The following EDARADD variants were observed in gnomAD, a reference collection of about 807,000 sequenced individuals.
EDARADD encodes ectodysplasin-A receptor-associated adapter protein.
EDARADD carries 20 observed loss-of-function variants against 25.6 expected under a neutral mutation model. The observed-to-expected ratio is 0.78, with a 90% CI of 0.55 to 1.14. EDARADD has a LOEUF of 1.14. EDARADD is among the 50% of genes most tolerant of loss of function. EDARADD has a pLI of 0.00. For synonymous variants in EDARADD, 86 were observed against 94.4 expected, an observed-to-expected ratio of 0.91 and a Z score of 0.52; for missense variants, 225 against 270.1, an observed-to-expected ratio of 0.83 and a Z score of 1.17.
intron 4 of EDARADD, among the ~76,000 whole-genome samples, chr1:236,439,131 C>T (rs921507623): frequency 2.0e-5 from 3 of 152,140 alleles, no homozygotes; most frequent in Non-Finnish European, 2.9e-5. Context: ...GGCTTCTTTC[C>T]CTTAGTAATA....
rs545002865 is a variant in EDARADD, at chr1:236,431,497, A to G, written c.219+4047A>G. On this transcript the variant is annotated intron_variant, in intron 4 of 5. Transcript: ENST00000334232. ...TTACTTTTAGTTATTTAAAATCAATACCCCATCTACTAGAACTATTCAACT... is the reference window on the plus strand; with the variant it reads ...TTACTTTTAGTTATTTAAAATCAATGCCCCATCTACTAGAACTATTCAACT... Among the ~76,000 whole-genome samples, 8 of 152,312 alleles carry G rather than the reference A, an allele frequency of 5.3e-5. No homozygotes were observed. In the East Asian group the frequency reaches 1.4e-3, roughly 26 times the overall value.
intron 4 of EDARADD, among the ~76,000 whole-genome samples, chr1:236,430,433 A>C (rs1414588364): frequency 6.6e-6 from 1 of 152,242 alleles, no homozygotes; most frequent in African/African-American, 2.4e-5. Flanking sequence ...TTCCAAAACC[A>C]CTTAAGATGA....
At chr1:236,427,543 A>G in intron 4 of EDARADD, 93 bp downstream of exon 4, 3 of 1,233,606 alleles carry the variant, frequency 2.4e-6, no homozygotes, top group Non-Finnish European at 3.5e-6. Flanking sequence ...ATAAAAAATG[A>G]AAAACAGGAT....
chr1:236,425,652 C>T (rs1431530522), intron 3 of EDARADD, among the ~76,000 whole-genome samples: 1 of 152,204 alleles, frequency 6.6e-6, no homozygotes, highest in African/African-American at 2.4e-5. Flanking sequence ...GGATGTGCTA[C>T]CACCGTCTTT....
chr1:236,409,415 C>G, intron 2 of EDARADD, 141 bp downstream of exon 2: 1 of 650,710 alleles, frequency 1.5e-6, no homozygotes. Flanking sequence ...ACTGCTTTAT[C>G]TTGGTATTCT....
At chr1:236,361,439 C>T (rs1459544681) in intron 3 of EDARADD, among the ~76,000 whole-genome samples, 1 of 151,478 alleles carries the variant, frequency 6.6e-6, no homozygotes, top group Non-Finnish European at 1.5e-5. Flanking sequence ...CTCAGCCTCT[C>T]CTTCCTCAGC....
At position 236,395,554 on chromosome 1, in the gene EDARADD, G is replaced by A. The variant is rs1012338119; in HGVS notation, c.61+1049G>A. ...CGGAACCGCAGGACTTTTCATCCCC[G>A]TGGTCCCACGGTCCTCCCGCGCCCC... is the stretch of plus-strand genomic sequence containing the variant. On this transcript the variant is annotated intron_variant, in intron 1 of 5. Transcript: ENST00000334232. This position sits in a 1 kb window ranked among gnomAD's most constrained non-coding sequence, Gnocchi z 6.9. The A allele has an allele frequency of 2.6e-6, 4 of 1,540,790 alleles. No individual in the cohort carries two copies. In the African/African-American group the frequency reaches 4.1e-5, roughly 16 times the overall value.
upstream of EDARADD, among the ~76,000 whole-genome samples, chr1:236,391,780 AAC>A (rs564929890): frequency 3.9e-5 from 6 of 152,198 alleles, no homozygotes; most frequent in Non-Finnish European, 7.3e-5. Context: ...CCCCATTTAA[AAC>A]AGCACATTTC....
chr1:236,354,027 G>C (rs897801508), intron 3 of EDARADD, among the ~76,000 whole-genome samples: 2 of 151,928 alleles, frequency 1.3e-5, no homozygotes, highest in African/African-American at 4.8e-5. Flanking sequence ...TCTGCTCTTC[G>C]GGTTGCGAGG....
At position 236,483,343 on chromosome 1, in the gene EDARADD, AG is replaced by A. The variant is rs1659735182; in HGVS notation, c.*697del. 6.3e-6 allele frequency: 10 copies of A among 1,584,318 alleles called. No individual in the cohort carries two copies. The South Asian group carries it at 9.9e-5, about 16-fold the overall frequency. On this transcript the variant is annotated 3_prime_UTR_variant, in exon 6 of 6. Coordinates refer to ENST00000334232, the MANE Select transcript of EDARADD (RefSeq NM_145861.4). ...AATGATAAGACTCGCTATATGGGGA[AG>A]GGTGTCTCAAAGCCTGTTGAGCCCA... is the stretch of plus-strand genomic sequence containing the variant.
Position 236,445,182 on chromosome 1 carries a change from A to G in EDARADD, c.219+17732A>G, listed in dbSNP as rs140286340. ...GACAGTTTTATTTATTCTCCACTGT[A>G]ACGTTTATTTACTTTTCTTGTGTTA... On this transcript the variant is annotated intron_variant, in intron 4 of 5. Transcript: ENST00000334232. Among the ~76,000 whole-genome samples, 138 of 151,622 alleles carry G rather than the reference A, an allele frequency of 9.1e-4. 1 individual carries two copies. The highest frequency in any genetic ancestry group is 3.2e-3 in the African/African-American group (134 of 41,404).
chr1:236,357,093 A>C (rs934456543), intron 3 of EDARADD, among the ~76,000 whole-genome samples: 1 of 152,034 alleles, frequency 6.6e-6, no homozygotes, highest in Non-Finnish European at 1.5e-5. Flanking sequence ...TCAAATAAAA[A>C]ATAAAAAAAA....
chr1:236,413,747 T>C (rs918873020), intron 2 of EDARADD, among the ~76,000 whole-genome samples: 2 of 152,244 alleles, frequency 1.3e-5, no homozygotes, highest in African/African-American at 2.4e-5. Flanking sequence ...GGAACTGTGC[T>C]GAATTCTGCA....
intron 3 of EDARADD, among the ~76,000 whole-genome samples, chr1:236,426,701 A>G (rs772070050): frequency 6.6e-6 from 1 of 152,180 alleles, no homozygotes. Flanking sequence ...TGAGGCCAGG[A>G]GTTCAAAACC....
intron 4 of EDARADD, 93 bp from the exon 5 acceptor site, chr1:236,468,138 G>A (rs1011195768): frequency 4.6e-6 from 6 of 1,308,026 alleles, no homozygotes; most frequent in Non-Finnish European, 6.6e-6. Flanking sequence ...AGCCCCCAGG[G>A]TTTTGGTGGA....
chr1:236,407,513 G>A (rs1413590221), intron 1 of EDARADD, among the ~76,000 whole-genome samples: 3 of 143,590 alleles, frequency 2.1e-5, no homozygotes, highest in African/African-American at 8.7e-5. Flanking sequence ...AAACACCTAG[G>A]AAGAACACAC....
chr1:236,415,630 A>G (rs1015503240), intron 3 of EDARADD, among the ~76,000 whole-genome samples: 1 of 152,064 alleles, frequency 6.6e-6, no homozygotes, highest in African/African-American at 2.4e-5. Context: ...TTTTTAGTAG[A>G]GGCGGGGTTT....
intron 4 of EDARADD, among the ~76,000 whole-genome samples, chr1:236,430,562 A>T (rs901639654): frequency 1.3e-5 from 2 of 152,244 alleles, no homozygotes; most frequent in East Asian, 1.9e-4. Context: ...AACTAAAAAA[A>T]TAGGGGAAAT....
intron 5 of EDARADD, 89 bp from the exon 6 acceptor site, chr1:236,482,178 C>A: frequency 3.5e-6 from 5 of 1,426,192 alleles, no homozygotes; most frequent in Non-Finnish European, 4.9e-6. Context: ...ATGCTTTTGA[C>A]AATTCAGCAG....
Sources: gnomAD v4.1 joint callset for allele counts (sites outside exome capture counted in the v4.1 genomes callset) on GRCh38, gnomAD v4.1.1 for gene constraint, Gnocchi (gnomAD v3.1) non-coding constraint, MANE v1.5 for transcripts, NCBI Gene and HGNC (gene_info 2026-07-23, HGNC 2026-07-21) for gene names.